Variants in SNTB1 observed in about 807,000 individuals in gnomAD.
SNTB1 encodes the protein syntrophin beta 1.
SNTB1 carries 36 observed loss-of-function variants against 48.9 expected under a neutral mutation model. The observed-to-expected ratio is 0.74, with a 90% confidence interval of 0.56 to 0.97. SNTB1 has a LOEUF of 0.97. SNTB1 is among the 50% of genes least tolerant of loss of function. The probability of loss-of-function intolerance (pLI) is 0.00; values close to 1 mark genes in which losing one functional copy is unlikely to be tolerated. For synonymous variants in SNTB1, 299 were observed against 294.6 expected (o/e 1.01, Z -0.15); for missense variants, 786 against 703.4 (o/e 1.12, Z -1.33).
chr8:120,601,606 C>G (rs1816423630), intron 3 of SNTB1, among the ~76,000 whole-genome samples: 1 of 152,170 alleles, frequency 6.6e-6, no homozygotes, highest in South Asian at 2.1e-4. Context: ...GTGTCTCACT[C>G]CATCCCTGAC....
At chr8:120,606,758 G>C (rs1816527565) in intron 3 of SNTB1, among the ~76,000 whole-genome samples, 1 of 152,136 alleles carries the variant, frequency 6.6e-6, no homozygotes, top group African/African-American at 2.4e-5. Context: ...AAATTCTAAA[G>C]ACCTATACAA....
chr8:120,550,205 A>C (rs1188838399), intron 4 of SNTB1, among the ~76,000 whole-genome samples: 3 of 152,216 alleles, frequency 2.0e-5, no homozygotes, highest in Non-Finnish European at 2.9e-5. Flanking sequence ...GCCAACTCAA[A>C]GAAAAAGTGT....
intron 3 of SNTB1, among the ~76,000 whole-genome samples, chr8:120,581,310 G>A (rs543131953): frequency 6.6e-6 from 1 of 152,184 alleles, no homozygotes; most frequent in South Asian, 2.1e-4. Flanking sequence ...TTGGTGTCAA[G>A]AGGGGAGCAG....
chr8:120,566,702 C>T (rs904770248), intron 4 of SNTB1, among the ~76,000 whole-genome samples: 10 of 152,196 alleles, frequency 6.6e-5, no homozygotes, highest in South Asian at 2.1e-4. Flanking sequence ...AAAGATGGAC[C>T]GGGTCCCATC....
chr8:120,595,513 C>T (rs1016846351), intron 3 of SNTB1, among the ~76,000 whole-genome samples: 1 of 152,118 alleles, frequency 6.6e-6, no homozygotes, highest in Non-Finnish European at 1.5e-5. Flanking sequence ...CAAGAAATAA[C>T]CATAAAAATG....
At chr8:120,710,749 A>G (rs1818448096) in intron 1 of SNTB1, among the ~76,000 whole-genome samples, 1 of 152,160 alleles carries the variant, frequency 6.6e-6, no homozygotes, top group South Asian at 2.1e-4. Context: ...TCCTCCCCAG[A>G]CACCAAACCT....
chr8:120,558,268 C>A (rs1247660443), intron 4 of SNTB1, among the ~76,000 whole-genome samples: 4 of 152,106 alleles, frequency 2.6e-5, no homozygotes, highest in Admixed American at 6.5e-5. Context: ...TTATATGTGG[C>A]AAGAACTATA....
chr8:120,772,984 G>A (rs750071695), intron 1 of SNTB1, among the ~76,000 whole-genome samples: 2 of 152,114 alleles, frequency 1.3e-5, no homozygotes, highest in Admixed American at 6.6e-5. Context: ...CAGGAGGGAG[G>A]TAGTCCAGTC....
chr8:120,689,116 C>T (rs941777311), intron 2 of SNTB1, among the ~76,000 whole-genome samples: 4 of 152,182 alleles, frequency 2.6e-5, no homozygotes, highest in Non-Finnish European at 5.9e-5. Context: ...TCAATGCCTG[C>T]TGGGTGACCT....
chr8:120,797,047 T>C (rs913096731), intron 1 of SNTB1, among the ~76,000 whole-genome samples: 14 of 152,082 alleles, frequency 9.2e-5, no homozygotes, highest in African/African-American at 2.9e-4. Flanking sequence ...TTAAAAAGTT[T>C]CTTTCAGATA....
intron 3 of SNTB1, among the ~76,000 whole-genome samples, chr8:120,627,093 G>A (rs1816895743): frequency 6.6e-6 from 1 of 152,138 alleles, no homozygotes; most frequent in South Asian, 2.1e-4. Flanking sequence ...GATTAACAGA[G>A]GTGCCATGGC....
intron 3 of SNTB1, among the ~76,000 whole-genome samples, chr8:120,619,341 A>G (rs1017034704): frequency 1.3e-5 from 2 of 152,082 alleles, no homozygotes; most frequent in African/African-American, 4.8e-5. Flanking sequence ...AAAGAGACAG[A>G]GAGAGAGAAA....
chr8:120,668,233 T>C (rs1023773107), intron 2 of SNTB1, among the ~76,000 whole-genome samples: 9 of 152,160 alleles, frequency 5.9e-5, no homozygotes, highest in Non-Finnish European at 1.3e-4. Context: ...GCTTGAGAGA[T>C]CAAGGCAGGG....
chr8:120,550,227 C>G (rs1355835846), intron 4 of SNTB1, among the ~76,000 whole-genome samples: 15 of 152,068 alleles, frequency 9.9e-5, no homozygotes, highest in Admixed American at 9.8e-4. Flanking sequence ...TTTGAAAAGC[C>G]TTTAGGTTGG....
chr8:120,596,195 A>G (rs1224220309), intron 3 of SNTB1, among the ~76,000 whole-genome samples: 1 of 152,182 alleles, frequency 6.6e-6, no homozygotes, highest in African/African-American at 2.4e-5. Context: ...CTAAAAAAGC[A>G]TTTTCCAGTG....
At chr8:120,666,716 C>T (rs6469943) in intron 2 of SNTB1, among the ~76,000 whole-genome samples, 152,176 of 152,252 alleles carry the variant, frequency 1, 76,050 homozygotes, top group Middle Eastern at 1. Context: ...ACTCCAACTA[C>T]AGGTGTATTA....
At chr8:120,610,119 T>C (rs1395304191) in intron 3 of SNTB1, among the ~76,000 whole-genome samples, 1 of 152,190 alleles carries the variant, frequency 6.6e-6, no homozygotes, top group Middle Eastern at 3.2e-3. Context: ...ACACAGTTTC[T>C]TTATTATTCA....
At chr8:120,803,408 C>G (rs928583002) in intron 1 of SNTB1, among the ~76,000 whole-genome samples, 1 of 152,092 alleles carries the variant, frequency 6.6e-6, no homozygotes, top group Non-Finnish European at 1.5e-5. Flanking sequence ...CATTATAGGT[C>G]AAGGCCAGTG....
At chr8:120,731,145 A>T (rs1818842390) in intron 1 of SNTB1, among the ~76,000 whole-genome samples, 1 of 152,200 alleles carries the variant, frequency 6.6e-6, no homozygotes, top group Non-Finnish European at 1.5e-5. Context: ...ATAAAAAATT[A>T]AACAAATAAT....
Sources: allele counts gnomAD v4.1 joint callset (sites outside exome capture counted in the v4.1 genomes callset), GRCh38; gene constraint gnomAD v4.1.1; transcripts MANE v1.5; gene names NCBI Gene and HGNC (gene_info 2026-07-23, HGNC 2026-07-21).